NELFB: variants seen among roughly 807,000 people sequenced by gnomAD.
NELFB encodes the protein negative elongation factor complex member B, also known as negative elongation factor B.
A neutral mutation model predicts 60.2 loss-of-function variants in NELFB; 34 were observed. That is an observed-to-expected ratio of 0.56 (90% CI 0.43 to 0.75). The LOEUF is 0.75. NELFB is among the 30% of genes least tolerant of loss of function. The pLI is 0.00. For missense variants in NELFB, 770 were observed against 831.6 expected (o/e 0.93, Z 0.91); for synonymous variants, 459 against 382.1 (o/e 1.20, Z -2.35).
rs1262046190 is a variant in NELFB at position 137,262,979 on chromosome 9, C to T, written c.742-58C>T. The T allele has an allele frequency of 1.1e-5, 17 of 1,578,118 alleles. No homozygotes were observed. The East Asian group carries it at 3.6e-4, about 34-fold the overall frequency. On this transcript the variant is annotated intron_variant, in intron 4 of 12. Coordinates refer to ENST00000343053, the MANE Select transcript of NELFB (RefSeq NM_015456.5). ...GCCGCGCTGTCGCCGGGCGTGACGT[C>T]CCTGTGTCTGGCGGAGCCCAGGACG...
At chr9:137,257,380 G>A (rs1284360462) in intron 4 of NELFB, among the ~76,000 whole-genome samples, 1 of 152,190 alleles carries the variant, frequency 6.6e-6, no homozygotes, top group Non-Finnish European at 1.5e-5. Context: ...CCAGGCTGGA[G>A]TGCAGTGGTG....
intron 4 of NELFB, among the ~76,000 whole-genome samples, chr9:137,260,174 C>T (rs1211694881): frequency 2.6e-5 from 4 of 151,074 alleles, no homozygotes; most frequent in East Asian, 1.9e-4. Flanking sequence ...CTCAGCCTCC[C>T]GAGTGGCTGG....
Position 137,269,261 on chromosome 9 carries a change from C to T in NELFB, c.1489+1915C>T, listed in dbSNP as rs1405701198. 3.3e-5 allele frequency among the ~76,000 whole-genome samples: 5 copies of T among 152,226 alleles called. No individual in the cohort carries two copies. Among genetic ancestry groups the T allele is most frequent in the South Asian group, 2.1e-4 (1 of 4,816 alleles). On this transcript the variant is annotated intron_variant, in intron 10 of 12. Coordinates refer to ENST00000343053, the MANE Select transcript of NELFB (RefSeq NM_015456.5). This position sits in a 1 kb window ranked among gnomAD's most constrained non-coding sequence, Gnocchi z 5.3. ...CCTGGGTTTCCTGTTGTTGCTGGAA[C>T]GAATGACCACAGACAGTGGCATTAG...
At chr9:137,267,412 C>A in intron 10 of NELFB, 66 bp downstream of exon 10, 1 of 1,469,200 alleles carries the variant, frequency 6.8e-7, no homozygotes, top group Non-Finnish European at 9.3e-7. Context: ...CAGTCCTGCC[C>A]AGGGTGCGGG....
Position 137,266,929 on chromosome 9 carries a change from C to T in NELFB, c.1240-15C>T, listed in dbSNP as rs1421140484. 1.9e-6 allele frequency: 3 copies of T among 1,612,428 alleles called. No homozygotes were observed. Among genetic ancestry groups the T allele is most frequent in the Non-Finnish European group, 1.7e-6 (2 of 1,179,818 alleles). On this transcript the variant is annotated splice_polypyrimidine_tract_variant and intron_variant, in intron 8 of 12. Coordinates refer to ENST00000343053, the MANE Select transcript of NELFB (RefSeq NM_015456.5). ...GCCCGGGCCCGCGCCCGCTCATGGCCTCCCCTCCTCGTAGGAGGTAGAGCT... is the reference window on the plus strand; with the variant it reads ...GCCCGGGCCCGCGCCCGCTCATGGCTTCCCCTCCTCGTAGGAGGTAGAGCT...
At chr9:137,255,780 C>CT in intron 1 of NELFB, 127 bp from the exon 2 acceptor site, 4 of 1,517,180 alleles carry the variant, frequency 2.6e-6, no homozygotes, top group Non-Finnish European at 2.7e-6. Context: ...GGCTGGGTGG[C>CT]TTTCGGTGGC....
At position 137,269,001 on chromosome 9, in the gene NELFB, G is replaced by A. The variant is rs942643112; in HGVS notation, c.1489+1655G>A. On this transcript the variant is annotated intron_variant, in intron 10 of 12. Coordinates refer to ENST00000343053, the MANE Select transcript of NELFB (RefSeq NM_015456.5). The surrounding 1 kb of genome is among the most constrained non-coding windows in gnomAD (Gnocchi z 5.3). ...CCACTCCTGTGCTAACAGCGAGAACGCTTTGGTGAGGACGGAGCCCTCACG... is the reference window on the plus strand; with the variant it reads ...CCACTCCTGTGCTAACAGCGAGAACACTTTGGTGAGGACGGAGCCCTCACG... 3.9e-5 allele frequency among the ~76,000 whole-genome samples: 6 copies of A among 152,128 alleles called. No individual in the cohort carries two copies. The highest frequency in any genetic ancestry group is 5.9e-5 in the Non-Finnish European group (4 of 68,042).
intron 4 of NELFB, among the ~76,000 whole-genome samples, chr9:137,261,612 C>G (rs28834713): frequency 6.7e-6 from 1 of 150,356 alleles, no homozygotes; most frequent in Non-Finnish European, 1.5e-5. Flanking sequence ...GAACCAAGAT[C>G]TTGCCATTGC....
At chr9:137,257,490 T>C (rs1056877296) in intron 4 of NELFB, among the ~76,000 whole-genome samples, 2 of 128,776 alleles carry the variant, frequency 1.6e-5, no homozygotes, top group Non-Finnish European at 3.3e-5. Flanking sequence ...GCCTGGCTAA[T>C]TTTTTTTCTT....
chr9:137,268,446 C>T (rs1830545300), intron 10 of NELFB, among the ~76,000 whole-genome samples: 1 of 152,124 alleles, frequency 6.6e-6, no homozygotes, highest in Non-Finnish European at 1.5e-5. Context: ...ATTGGTTGGG[C>T]ATGGTGGTGG....
chr9:137,264,367 G>T lies in NELFB; in HGVS notation c.1040+10G>T, dbSNP rs374702356. ...AGGAGCAGGTGCTGGGGTGAGGGTC[G>T]GCTCCACGAGGCCTCTGCCCCTCAG... On this transcript the variant is annotated intron_variant, in intron 6 of 12. Coordinates refer to ENST00000343053, the MANE Select transcript of NELFB (RefSeq NM_015456.5). 1.3e-6 allele frequency: 2 copies of T among 1,558,578 alleles called. No individual in the cohort carries two copies. The highest frequency in any genetic ancestry group is 2.3e-5 in the South Asian group (2 of 85,264).
In NELFB at chr9:137,257,031, C is replaced by A; in HGVS notation, c.718C>A (p.Pro240Thr). The change falls in exon 4 of 13, where the codon CCC (proline) becomes ACC (threonine). Residue 240 changes from proline to threonine, a missense_variant. Coordinates refer to ENST00000343053, the MANE Select transcript of NELFB (RefSeq NM_015456.5). ...CCTGCACAACTTTTTCAGTCCTTCC[C>A]CCAAGACCAGGCGCCAGGGCGAGGT... 6.2e-7 allele frequency: 1 copy of A among 1,612,440 alleles called. No homozygotes were observed. The highest frequency in any genetic ancestry group is 8.5e-7 in the Non-Finnish European group (1 of 1,178,972).
At chr9:137,264,782 T>C (rs1431604258) in intron 6 of NELFB, among the ~76,000 whole-genome samples, 1 of 152,126 alleles carries the variant, frequency 6.6e-6, no homozygotes. Context: ...GATGTTTCAA[T>C]AGAGCTATGC....
chr9:137,272,267 CTT>C, intron 11 of NELFB, 45 bp downstream of exon 11: 1 of 1,605,810 alleles, frequency 6.2e-7, no homozygotes, highest in Non-Finnish European at 8.5e-7. Context: ...CCTCTCAGCT[CTT>C]GTCCGTAGCA....
chr9:137,266,258 G>T, intron 7 of NELFB, 73 bp from the exon 8 acceptor site: 1 of 1,323,352 alleles, frequency 7.6e-7, no homozygotes, highest in Non-Finnish European at 1.1e-6. Context: ...GCTGAGTAAC[G>T]AGTAGGGTCA....
intron 4 of NELFB, among the ~76,000 whole-genome samples, chr9:137,258,791 A>G (rs1049963453): frequency 6.6e-6 from 1 of 152,144 alleles, no homozygotes; most frequent in Non-Finnish European, 1.5e-5. Context: ...CAGTGGAAAA[A>G]GCGAACTATA....
In NELFB at chr9:137,272,584, C is replaced by A; in HGVS notation, c.1709C>A (p.Ala570Glu). Residue 570 changes from alanine (A) to glutamate (E), a missense_variant, in exon 12 of 13, where the codon GCG becomes GAG. Coordinates refer to ENST00000343053, the MANE Select transcript of NELFB (RefSeq NM_015456.5). The stretch of plus-strand genomic sequence containing the variant: ...AGGGTGGCCCCGTCTAAGCTGGAGG[C>A]GTTGCAGAAGGCCCTGGAGCCTACA... 6.2e-7 allele frequency: 1 copy of A among 1,608,224 alleles called. No homozygotes were observed. Among genetic ancestry groups the A allele is most frequent in the Non-Finnish European group, 8.5e-7 (1 of 1,177,872 alleles).
rs1588190319 is a variant in NELFB at position 137,269,836 on chromosome 9, G to T, written c.1490-2245G>T. Among the ~76,000 whole-genome samples the T allele has an allele frequency of 6.6e-6, 1 of 152,368 alleles. No individual in the cohort carries two copies. The highest frequency in any genetic ancestry group is 1.9e-4 in the East Asian group (1 of 5,190). ...AAACAGGCTGGGAACCAGGAGTGCA[G>T]CTTCTCGGAGTACGTGGCTGCCCCA... is the stretch of plus-strand genomic sequence containing the variant. On this transcript the variant is annotated intron_variant, in intron 10 of 12. Transcript: ENST00000343053. The surrounding 1 kb of genome is among the most constrained non-coding windows in gnomAD (Gnocchi z 5.3).
At chr9:137,260,345 C>T (rs886163502) in intron 4 of NELFB, among the ~76,000 whole-genome samples, 13 of 150,508 alleles carry the variant, frequency 8.6e-5, no homozygotes, top group Admixed American at 6.6e-5. Context: ...CCACTGAGAC[C>T]GGCTATTTTA....
Sources: gnomAD v4.1 joint callset for allele counts (sites outside exome capture counted in the v4.1 genomes callset) on GRCh38, gnomAD v4.1.1 for gene constraint, Gnocchi (gnomAD v3.1) non-coding constraint, MANE v1.5 for transcripts, NCBI Gene and HGNC (gene_info 2026-07-23, HGNC 2026-07-21) for gene names.